The following DUSP18 variants were observed in gnomAD, a reference collection of about 807,000 sequenced individuals.
DUSP18 encodes dual specificity phosphatase 18.
DUSP18 carries 4 observed loss-of-function variants against 6.3 expected under a neutral mutation model. That is an observed-to-expected ratio of 0.63 (90% CI 0.31 to 1.45). The LOEUF (loss-of-function observed/expected upper bound fraction) is 1.45. DUSP18 is among the 40% of genes most tolerant of loss of function. The probability of loss-of-function intolerance (pLI) is 0.07; values close to 1 mark genes in which losing one functional copy is unlikely to be tolerated. For synonymous variants in DUSP18, 96 were observed against 95.1 expected (o/e 1.01, Z -0.05); for missense variants, 235 against 247.7 (o/e 0.95, Z 0.34).
In DUSP18 at chr22:30,662,334, G is replaced by T. The variant is rs2088501470; in HGVS notation, c.*1103C>A. ...GGGGTCCACATCACATGAAGAGGAG[G>T]TGACAGGGCTGGGCCTTGGTCCGAA... On this transcript the variant is annotated 3_prime_UTR_variant, in exon 2 of 2. Transcript: ENST00000334679. 1 of 152,212 alleles carries T rather than the reference G, an allele frequency of 6.6e-6. No individual in the cohort carries two copies. The allele number at this position is 152,212 out of a possible 1,614,324, so 9.4% of individuals were successfully genotyped here.
intron 1 of DUSP18, chr22:30,665,641 A>G (rs781467929): frequency 3.9e-5 from 17 of 440,066 alleles, no homozygotes; most frequent in Non-Finnish European, 7.1e-5. Flanking sequence ...TCTTAGCCCT[A>G]TGTTCTCTCC....
chr22:30,654,672 C>A, intron 2 of DUSP18: 1 of 433,092 alleles, frequency 2.3e-6, no homozygotes. Flanking sequence ...GGTACTTCAA[C>A]TTCTTTCTAT....
downstream of DUSP18, among the ~76,000 whole-genome samples, chr22:30,658,963 C>T (rs1486577676): frequency 2.0e-5 from 3 of 151,708 alleles, no homozygotes; most frequent in East Asian, 1.9e-4. Flanking sequence ...GCTAACATGG[C>T]GAAACCGCAT....
chr22:30,657,633 G>A (rs184128158), downstream of DUSP18, among the ~76,000 whole-genome samples: 482 of 151,550 alleles, frequency 3.2e-3, 1 homozygote, highest in African/African-American at 8.0e-3. Context: ...GGCCAGGCGC[G>A]GTGGCTCATG....
At chr22:30,654,906 A>G (rs989550979) in intron 2 of DUSP18, 1 of 167,558 alleles carries the variant, frequency 6.0e-6, no homozygotes, top group African/African-American at 2.4e-5. Context: ...CCTCTGCCAG[A>G]TTTCCCTGGA....
rs2088531430 is a variant in DUSP18 at position 30,663,285 on chromosome 22, T to C, written c.*152A>G. On this transcript the variant is annotated 3_prime_UTR_variant, in exon 2 of 2. Transcript: ENST00000334679. ...TCTTAAAAAAAATGGATTATAAAGT[T>C]AAAAGCTACAGCAACTCTTTTTTGT... 1 of 772,136 alleles carries C rather than the reference T, an allele frequency of 1.3e-6. No individual in the cohort carries two copies. Among genetic ancestry groups the C allele is most frequent in the Admixed American group, 3.0e-5 (1 of 33,382 alleles). 47.8% of individuals were successfully genotyped at this position (772,136 alleles called of 1,614,324 possible).
rs2088561278 is a variant in DUSP18, at chr22:30,663,856, T to C, written c.148A>G (p.Ile50Val). 6 of 1,614,090 alleles carry C rather than the reference T, an allele frequency of 3.7e-6. No homozygotes were observed. Among genetic ancestry groups the C allele is most frequent in the Non-Finnish European group, 5.1e-6 (6 of 1,180,052 alleles). ...MLSSNQITMV[I>V]NVSVEVVNTL... ...TTCACTACCTCCACTGAGACATTGA[T>C]GACCATGGTGATCTGGTTGCTAGAC... is the stretch of plus-strand genomic sequence containing the variant. Residue 50 changes from isoleucine to valine, a missense_variant, in exon 2 of 2, where the codon ATC becomes GTC. Coordinates refer to ENST00000334679, the MANE Select transcript of DUSP18 (RefSeq NM_152511.5).
chr22:30,659,759 C>CTGCAGATGTAACTTA (rs1423406507), downstream of DUSP18, among the ~76,000 whole-genome samples: 1 of 152,206 alleles, frequency 6.6e-6, no homozygotes, highest in Non-Finnish European at 1.5e-5. Flanking sequence ...ACAAAGGAGA[C>CTGCAGATGTAACTTA]TGCAGATGTA....
chr22:30,654,587 C>T (rs773859472), intron 2 of DUSP18: 12 of 459,904 alleles, frequency 2.6e-5, no homozygotes, highest in Non-Finnish European at 4.3e-5. Flanking sequence ...GCTGGGGACC[C>T]GGAAGTGGTG....
At position 30,663,295 on chromosome 22, in the gene DUSP18, A is replaced by G. The variant is rs2088532152; in HGVS notation, c.*142T>C. ...AATGGATTATAAAGTTAAAAGCTAC[A>G]GCAACTCTTTTTTGTGCTCATAAAA... is the stretch of plus-strand genomic sequence containing the variant. On this transcript the variant is annotated 3_prime_UTR_variant, in exon 2 of 2. Transcript: ENST00000334679. The G allele has an allele frequency of 1.3e-6, 1 of 799,294 alleles. No individual in the cohort carries two copies. Among genetic ancestry groups the G allele is most frequent in the South Asian group, 1.9e-5 (1 of 51,510 alleles). The allele number at this position is 799,294 out of a possible 1,614,324, so 49.5% of individuals were successfully genotyped here.
intron 2 of DUSP18, among the ~76,000 whole-genome samples, chr22:30,652,866 G>A (rs553052658): frequency 6.6e-6 from 1 of 152,334 alleles, no homozygotes; most frequent in Admixed American, 6.5e-5. Context: ...AGTCTATTTA[G>A]TGTGAGCCCT....
intron 2 of DUSP18, among the ~76,000 whole-genome samples, chr22:30,653,165 C>T (rs1785688745): frequency 6.6e-6 from 1 of 152,296 alleles, no homozygotes; most frequent in African/African-American, 2.4e-5. Flanking sequence ...TCTGTGCTCC[C>T]CACCACTGGC....
chr22:30,653,905 A>T (rs1166279528), intron 2 of DUSP18: 5 of 166,926 alleles, frequency 3.0e-5, no homozygotes, highest in Non-Finnish European at 1.3e-5. Context: ...GGTCTTGAGG[A>T]CACCCCAGTA....
chr22:30,666,172 G>A (rs1322073442), intron 1 of DUSP18, among the ~76,000 whole-genome samples: 1 of 152,136 alleles, frequency 6.6e-6, no homozygotes, highest in African/African-American at 2.4e-5. Flanking sequence ...AAAATCCATA[G>A]AGAAGTGAAC....
chr22:30,661,433 CTTTTCT>C (rs1001858853), downstream of DUSP18: 1 of 145,242 alleles, frequency 6.9e-6, no homozygotes, highest in African/African-American at 2.5e-5. Flanking sequence ...TTCTTTTTTT[CTTTTCT>C]TTTTCTTTTT....
chr22:30,663,742 CA>C lies in DUSP18; in HGVS notation c.261del (p.Asp88ThrfsTer8). On this transcript the variant is annotated frameshift_variant, in exon 2 of 2. Coordinates refer to ENST00000334679, the MANE Select transcript of DUSP18 (RefSeq NM_152511.5). LOFTEE classifies it high-confidence loss of function. ...SRLCDFFDPIADHIHSVEMKQ... is the reference protein window; with the variant it reads ...SRLCDFFDPIXDHIHSVEMKQ... ...TTCATCTCCACGCTGTGGATATGGT[CA>C]GCAATAGGGTCAAAGAAGTCACAGA... is the stretch of plus-strand genomic sequence containing the variant. The C allele has an allele frequency of 6.2e-7, 1 of 1,614,176 alleles. No homozygotes were observed. The highest frequency in any genetic ancestry group is 8.5e-7 in the Non-Finnish European group (1 of 1,180,046).
downstream of DUSP18, among the ~76,000 whole-genome samples, chr22:30,661,011 C>T (rs912904697): frequency 2.6e-5 from 4 of 152,076 alleles, no homozygotes; most frequent in Non-Finnish European, 4.4e-5. Flanking sequence ...GCCCTGCTTT[C>T]GTATTTTTAG....
chr22:30,655,505 TC>T (rs1397211715), intron 2 of DUSP18, among the ~76,000 whole-genome samples: 1 of 148,416 alleles, frequency 6.7e-6, no homozygotes, highest in East Asian at 2.0e-4. Flanking sequence ...CAACAAAATA[TC>T]CTTTTTTTTT....
chr22:30,666,751 T>C (rs900059474), intron 1 of DUSP18: 14 of 149,984 alleles, frequency 9.3e-5, no homozygotes, highest in African/African-American at 3.2e-4. Flanking sequence ...GAGAAACAGA[T>C]AGTAAACAGG....
Sources: gnomAD v4.1 joint callset for allele counts (sites outside exome capture counted in the v4.1 genomes callset) on GRCh38, gnomAD v4.1.1 for gene constraint, MANE v1.5 for transcripts, NCBI Gene and HGNC (gene_info 2026-07-23, HGNC 2026-07-21) for gene names.